Variants in DPP3 observed in about 807,000 individuals in gnomAD.
DPP3 encodes dipeptidyl peptidase 3, also known as DPP III.
DPP3 carries 64 observed loss-of-function variants against 89.8 expected under a neutral mutation model. That is an observed-to-expected ratio of 0.71 (90% confidence interval 0.58 to 0.88). The LOEUF is 0.88. Ranked by LOEUF, DPP3 falls within the 40% of genes least tolerant of loss-of-function variation. The pLI is 0.00. For synonymous variants in DPP3, 377 were observed against 404.3 expected, an observed-to-expected ratio of 0.93 and a Z score of 0.81; for missense variants, 835 against 972.5, an observed-to-expected ratio of 0.86 and a Z score of 1.88.
intron 16 of DPP3, among the ~76,000 whole-genome samples, chr11:66,499,372 AAAG>A (rs1303042204): frequency 1.3e-5 from 2 of 152,132 alleles, no homozygotes; most frequent in Non-Finnish European, 1.5e-5. Flanking sequence ...TCAAAAAAAA[AAAG>A]GTCTTACACT....
At chr11:66,495,781 G>A (rs948277317) in intron 15 of DPP3, 31 bp downstream of exon 15, 4 of 1,576,734 alleles carry the variant, frequency 2.5e-6, no homozygotes, top group Admixed American at 1.9e-5. Context: ...CCTGGAGGCG[G>A]AAGGGAGCCT....
chr11:66,494,620 T>C (rs1191489634), intron 12 of DPP3, among the ~76,000 whole-genome samples: 5 of 152,140 alleles, frequency 3.3e-5, no homozygotes, highest in African/African-American at 1.2e-4. Flanking sequence ...CAGGTGTTAG[T>C]GTTGAGAGAC....
intron 17 of DPP3, among the ~76,000 whole-genome samples, chr11:66,505,066 G>A (rs1855767732): frequency 6.6e-6 from 1 of 152,138 alleles, no homozygotes; most frequent in South Asian, 2.1e-4. Context: ...AGACTTAGGG[G>A]GAAGCCAGGC....
In DPP3 at chr11:66,491,535, G is replaced by T; in HGVS notation, c.840G>T (p.Gln280His). ...GCCACCAGGGGCAGATGCTGGCCCA[G>T]TATATAGAGAGCTTCACCCAGGGCT... ...ANSHQGQMLA[Q>H]YIESFTQGSI... The change falls in exon 8 of 18, where the codon CAG (glutamine) becomes CAT (histidine). Residue 280 changes from glutamine to histidine, a missense_variant. Transcript: ENST00000531863. The T allele has an allele frequency of 6.2e-7, 1 of 1,613,546 alleles. No individual in the cohort carries two copies. The highest frequency in any genetic ancestry group is 8.5e-7 in the Non-Finnish European group (1 of 1,179,772).
rs200653914 is a variant in DPP3 at position 66,493,107 on chromosome 11, G to T, written c.1224G>T (p.Ser408=). The T allele has an allele frequency of 8.1e-6, 13 of 1,614,028 alleles. No homozygotes were observed. Among genetic ancestry groups the T allele is most frequent in the Non-Finnish European group, 1.1e-5 (13 of 1,180,046 alleles). ...AGACGGAAGGCTTTAAGAACGTGTC[G>T]CTGGGGAATGTGCTGGCTGTGGCCT... ...LRQTEGFKNV[S]LGNVLAVAYA... The change falls in exon 11 of 18, where the codon TCG becomes TCT. Residue 408 remains serine (S), a synonymous_variant. Transcript: ENST00000531863.
At chr11:66,497,212 T>G in intron 15 of DPP3, 86 bp from the exon 16 acceptor site, 1 of 1,514,288 alleles carries the variant, frequency 6.6e-7, no homozygotes, top group Non-Finnish European at 8.9e-7. Flanking sequence ...GGACCAAGCC[T>G]GGGACCAAGG....
At position 66,486,224 on chromosome 11, in the gene DPP3, T is replaced by C. The variant is rs1356825470; in HGVS notation, c.361-316T>C. On this transcript the variant is annotated intron_variant, in intron 3 of 17. Transcript: ENST00000531863. ...TCCCCAAATGCTAGGATTACAGGCA[T>C]GAGCCACTGCGTCTGGCCTAATTTT... Among the ~76,000 whole-genome samples the C allele has an allele frequency of 2.0e-5, 3 of 152,292 alleles. No homozygotes were observed. The East Asian group carries it at 5.8e-4, about 29-fold the overall frequency.
intron 2 of DPP3, 38 bp downstream of exon 2, chr11:66,482,508 CT>C: frequency 3.2e-6 from 5 of 1,585,292 alleles, no homozygotes; most frequent in Non-Finnish European, 4.3e-6. Flanking sequence ...ACCTGAGTGG[CT>C]TCTGGGTGTG....
chr11:66,491,150 G>A (rs1173281691), intron 6 of DPP3, 103 bp from the exon 7 acceptor site: 1 of 1,543,604 alleles, frequency 6.5e-7, no homozygotes, highest in Non-Finnish European at 8.8e-7. Context: ...GAGTGAAAGA[G>A]TGCTATGGGG....
Position 66,491,614 on chromosome 11 carries a change from A to C in DPP3, c.919A>C (p.Ile307Leu). The change falls in exon 8 of 18, where the codon ATC becomes CTC. Residue 307 changes from isoleucine (I) to leucine (L), a missense_variant. By Grantham distance (5) the Ile-to-Leu change is conservative. Transcript: ENST00000531863. ...SRFWIQDKGP[I>L]VESYIGFIES... ...CTTCTGGATCCAGGACAAAGGCCCC[A>C]TCGTGGAGAGGTGAGGCGCCAGCTC... 6.2e-7 allele frequency: 1 copy of C among 1,613,418 alleles called. No homozygotes were observed. Among genetic ancestry groups the C allele is most frequent in the Non-Finnish European group, 8.5e-7 (1 of 1,179,460 alleles).
intron 16 of DPP3, among the ~76,000 whole-genome samples, chr11:66,500,133 C>G (rs1320587215): frequency 6.6e-6 from 1 of 152,120 alleles, no homozygotes; most frequent in Non-Finnish European, 1.5e-5. Flanking sequence ...GCAGACAGAT[C>G]ACTTGAGGTA....
intron 17 of DPP3, among the ~76,000 whole-genome samples, chr11:66,506,789 G>A (rs1434005766): frequency 6.6e-6 from 1 of 152,110 alleles, no homozygotes; most frequent in Non-Finnish European, 1.5e-5. Context: ...TGCCTGTCTG[G>A]TTCTTTTTGT....
chr11:66,495,663 C>T lies in DPP3; in HGVS notation c.1611C>T (p.Asp537=), dbSNP rs144732541. ...IFGFEGADAE[D]VIYVNWLNMV... is the part of the protein sequence containing the mutation. ...GCTTTGAGGGGGCTGATGCGGAGGA[C>T]GTGATCTACGTGAACTGGCTCAACA... is the stretch of plus-strand genomic sequence containing the variant. Residue 537 remains aspartate, a synonymous_variant, in exon 15 of 18, where the codon GAC becomes GAT. Coordinates refer to ENST00000531863, the MANE Select transcript of DPP3 (RefSeq NM_130443.4). 33 of 1,613,958 alleles carry T rather than the reference C, an allele frequency of 2.0e-5. No individual in the cohort carries two copies. The highest frequency in any genetic ancestry group is 1.9e-4 in the African/African-American group (14 of 74,912).
At chr11:66,493,479 C>G (rs1464833438) in intron 11 of DPP3, 62 bp from the exon 12 acceptor site, 4 of 1,554,174 alleles carry the variant, frequency 2.6e-6, no homozygotes, top group Non-Finnish European at 2.6e-6. Flanking sequence ...GGAGGGGAGG[C>G]CGACAGGCTG....
intron 9 of DPP3, 126 bp downstream of exon 9, chr11:66,491,882 G>C: frequency 9.3e-7 from 1 of 1,069,580 alleles, no homozygotes; most frequent in Non-Finnish European, 1.4e-6. Context: ...GAACAGCCAT[G>C]GTAAATAAAC....
At chr11:66,499,489 G>A (rs943719509) in intron 16 of DPP3, among the ~76,000 whole-genome samples, 1 of 152,142 alleles carries the variant, frequency 6.6e-6, no homozygotes, top group Non-Finnish European at 1.5e-5. Context: ...ATATTTTTAG[G>A]TTGGGTGTGG....
At chr11:66,496,969 G>A (rs527281638) in intron 15 of DPP3, among the ~76,000 whole-genome samples, 6 of 152,296 alleles carry the variant, frequency 3.9e-5, no homozygotes, top group African/African-American at 1.4e-4. Flanking sequence ...GGAGGGGGTA[G>A]CTGCTGTCCT....
intron 1 of DPP3, among the ~76,000 whole-genome samples, chr11:66,481,441 G>C (rs1217706833): frequency 2.0e-5 from 3 of 152,088 alleles, no homozygotes; most frequent in Non-Finnish European, 4.4e-5. Context: ...AGTGAGTCAA[G>C]ATCATGCCAC....
rs150994015 is a variant in DPP3, at chr11:66,505,404, C to A, written c.2041+630C>A. ...GTGTGTTATGGAGAGGTTAGAGCAC[C>A]AGCTTCAGAACCACCCTGTGACTTT... is the stretch of plus-strand genomic sequence containing the variant. On this transcript the variant is annotated intron_variant, in intron 17 of 17. Transcript: ENST00000531863. Among the ~76,000 whole-genome samples the A allele has an allele frequency of 4.1e-4, 63 of 152,252 alleles. 1 individual carries two copies. The East Asian group carries it at 0.011, about 28-fold the overall frequency.
Sources: gnomAD v4.1 joint callset for allele counts (sites outside exome capture counted in the v4.1 genomes callset) on GRCh38, gnomAD v4.1.1 for gene constraint, MANE v1.5 for transcripts, NCBI Gene and HGNC (gene_info 2026-07-23, HGNC 2026-07-21) for gene names.